Variants in STOX2 observed in about 807,000 individuals in gnomAD.
STOX2 encodes the protein storkhead-box protein 2.
A neutral mutation model predicts 60.9 loss-of-function variants in STOX2; 28 were observed. The ratio of observed to expected loss-of-function variants is 0.46; its 90% CI spans 0.34 to 0.63. The LOEUF (loss-of-function observed/expected upper bound fraction) is 0.63. Among genes scored for constraint, STOX2 ranks in the 30% least tolerant of loss-of-function variants. The probability of loss-of-function intolerance (pLI) is 0.01; values close to 1 mark genes in which losing one functional copy is unlikely to be tolerated. For missense variants in STOX2, 1,024 were observed against 1,187.7 expected (o/e 0.86, Z 2.03); for synonymous variants, 472 against 463.9 (o/e 1.02, Z -0.22).
At chr4:183,996,710 A>C (rs1054261706) in intron 1 of STOX2, among the ~76,000 whole-genome samples, 5 of 152,174 alleles carry the variant, frequency 3.3e-5, no homozygotes, top group African/African-American at 1.2e-4. Flanking sequence ...AACTTCACTT[A>C]ATATATAATT....
intron 1 of STOX2, chr4:183,987,964 T>G (rs768385700): frequency 8.5e-5 from 13 of 152,068 alleles, no homozygotes; most frequent in Non-Finnish European, 1.3e-4. Flanking sequence ...TTTTAATGTG[T>G]GTGTTCTCTC....
chr4:183,882,275 G>T (rs574062236), intron 1 of STOX2, among the ~76,000 whole-genome samples: 432 of 152,254 alleles, frequency 2.8e-3, no homozygotes, highest in Non-Finnish European at 5.0e-3. Flanking sequence ...TTCTGTGTGT[G>T]GAATTTTCTG....
At chr4:183,990,950 C>A (rs1733081898) in intron 1 of STOX2, among the ~76,000 whole-genome samples, 1 of 151,986 alleles carries the variant, frequency 6.6e-6, no homozygotes, top group Admixed American at 6.6e-5. Flanking sequence ...GAAGAAAGAG[C>A]CAGAATGGTT....
intron 3 of STOX2, 41 bp from the exon 4 acceptor site, chr4:184,017,048 T>C: frequency 2.7e-6 from 4 of 1,499,654 alleles, no homozygotes; most frequent in Non-Finnish European, 3.6e-6. Flanking sequence ...TAATTATTTA[T>C]GTTCCAAACA....
At position 184,009,322 on chromosome 4, in the gene STOX2, G is replaced by C. The variant is rs563435315; in HGVS notation, c.484G>C (p.Glu162Gln). ...TAACAGTAAATGGTACCATTTGGAC[G>C]AGAGGATACCTGACCGGTCTCAGTG... ...RTNSKWYHLD[E>Q]RIPDRSQCTS... Residue 162 changes from glutamate to glutamine, a missense_variant, in exon 3 of 4, where the codon GAG (glutamate) becomes CAG (glutamine). Coordinates refer to ENST00000308497, the MANE Select transcript of STOX2 (RefSeq NM_020225.3). The surrounding 1 kb of genome is among the most constrained non-coding windows in gnomAD (Gnocchi z 4.0). The C allele has an allele frequency of 6.2e-7, 1 of 1,613,850 alleles. No individual in the cohort carries two copies.
intron 1 of STOX2, among the ~76,000 whole-genome samples, chr4:183,999,499 C>T (rs1231117062): frequency 6.6e-6 from 1 of 152,098 alleles, no homozygotes; most frequent in East Asian, 1.9e-4. Flanking sequence ...ACTGGGACAA[C>T]GTCTTATCCT....
chr4:184,001,187 T>C lies in STOX2; in HGVS notation c.167-138T>C. 1.4e-6 allele frequency: 1 copy of C among 731,160 alleles called. No homozygotes were observed. Among genetic ancestry groups the C allele is most frequent in the Non-Finnish European group, 2.2e-6 (1 of 452,150 alleles). 45.3% of individuals were successfully genotyped at this position (731,160 alleles called of 1,614,324 possible). ...TTGGCTGTGGCTTCTGTGTTCAGAG[T>C]GGAATTGGCAAGCAGCTGCTATGTT... On this transcript the variant is annotated intron_variant, in intron 1 of 3. Coordinates refer to ENST00000308497, the MANE Select transcript of STOX2 (RefSeq NM_020225.3). The surrounding 1 kb of genome is among the most constrained non-coding windows in gnomAD (Gnocchi z 4.2).
chr4:183,957,806 GTAGAATGGTATT>G (rs1743293352), intron 1 of STOX2, among the ~76,000 whole-genome samples: 1 of 152,114 alleles, frequency 6.6e-6, no homozygotes. Context: ...AGGGCGGATG[GTAGAATGGTATT>G]TAGAACCCAA....
At chr4:183,879,930 C>A (rs748360732) in intron 1 of STOX2, among the ~76,000 whole-genome samples, 1 of 152,258 alleles carries the variant, frequency 6.6e-6, no homozygotes, top group Non-Finnish European at 1.5e-5. Flanking sequence ...GCCTAGTCCA[C>A]TTGGTGCTGC....
chr4:183,959,165 C>A (rs577062988), intron 1 of STOX2, among the ~76,000 whole-genome samples: 1 of 152,170 alleles, frequency 6.6e-6, no homozygotes, highest in Non-Finnish European at 1.5e-5. Context: ...TTTGATGTCT[C>A]CTATCTCTGC....
At position 183,906,596 on chromosome 4, in the gene STOX2, G is replaced by C; in HGVS notation, c.-195G>C. 1.8e-6 allele frequency: 1 copy of C among 571,166 alleles called. No individual in the cohort carries two copies. Among genetic ancestry groups the C allele is most frequent in the East Asian group, 3.0e-5 (1 of 32,890 alleles). The allele number at this position is 571,166 out of a possible 1,614,324, so 35.4% of individuals were successfully genotyped here. Reference sequence around the variant, plus strand: ...ATTGTGGGACGTGTGTAAAATCGGAGCCTTCGCCGTGGGGGTGTGGGGGGG... The same window carrying C: ...ATTGTGGGACGTGTGTAAAATCGGACCCTTCGCCGTGGGGGTGTGGGGGGG... On this transcript the variant is annotated 5_prime_UTR_variant, in exon 1 of 4. Coordinates refer to ENST00000308497, the MANE Select transcript of STOX2 (RefSeq NM_020225.3).
At position 183,998,351 on chromosome 4, in the gene STOX2, C is replaced by T. The variant is rs946884102; in HGVS notation, c.167-2974C>T. ...TAACTTAGCACCTCTGTAAGAAAGC[C>T]GGCCTCAGTGCCCCTGTCCTATCCA... On this transcript the variant is annotated intron_variant, in intron 1 of 3. Transcript: ENST00000308497. Among the ~76,000 whole-genome samples the T allele has an allele frequency of 4.6e-5, 7 of 152,232 alleles. No homozygotes were observed. In the South Asian group the frequency reaches 8.3e-4, roughly 18 times the overall value.
chr4:183,852,571 G>GAGAAAGGATGAGAGAAAGGATGAA, intron 1 of STOX2, among the ~76,000 whole-genome samples: 1 of 152,050 alleles, frequency 6.6e-6, no homozygotes, highest in East Asian at 1.9e-4. Flanking sequence ...GAAAGGATGA[G>GAGAAAGGATGAGAGAAAGGATGAA]GGAAAGGATG....
chr4:183,854,870 G>A (rs1364459444), intron 1 of STOX2, among the ~76,000 whole-genome samples: 4 of 152,054 alleles, frequency 2.6e-5, no homozygotes, highest in Admixed American at 1.3e-4. Context: ...TTTTTAACAT[G>A]CATATGAATT....
intron 1 of STOX2, among the ~76,000 whole-genome samples, chr4:183,919,320 T>C (rs1319835134): frequency 2.6e-5 from 4 of 152,220 alleles, no homozygotes; most frequent in African/African-American, 9.6e-5. Flanking sequence ...GATGCAGCCA[T>C]GTGCTTGCAA....
Position 183,836,046 on chromosome 4 carries a change from T to A in STOX2, c.364+37991T>A, listed in dbSNP as rs1431063112. Among the ~76,000 whole-genome samples the A allele has an allele frequency of 2.0e-5, 3 of 152,102 alleles. No homozygotes were observed. Among genetic ancestry groups the A allele is most frequent in the Non-Finnish European group, 4.4e-5 (3 of 68,024 alleles). On this transcript the variant is annotated intron_variant, in intron 1 of 2. Transcript: ENST00000513034. This position sits in a 1 kb window ranked among gnomAD's most constrained non-coding sequence, Gnocchi z 4.1. ...CACTTGTTACTGCCATTTTTTTTTTTATCTGAGCCATCCTAGTGGGTGGAA... is the reference window on the plus strand; with the variant it reads ...CACTTGTTACTGCCATTTTTTTTTTAATCTGAGCCATCCTAGTGGGTGGAA...
chr4:183,878,341 T>A (rs1037857903), intron 1 of STOX2, among the ~76,000 whole-genome samples: 1 of 152,258 alleles, frequency 6.6e-6, no homozygotes, highest in Non-Finnish European at 1.5e-5. Flanking sequence ...TTATTCATTA[T>A]GTTTTGTTTT....
At chr4:183,848,614 A>C (rs1740039514) in intron 1 of STOX2, among the ~76,000 whole-genome samples, 1 of 152,110 alleles carries the variant, frequency 6.6e-6, no homozygotes, top group Non-Finnish European at 1.5e-5. Context: ...GCAGTGGACA[A>C]TGGCTAGATA....
intron 1 of STOX2, among the ~76,000 whole-genome samples, chr4:183,834,175 C>T (rs1368668403): frequency 1.3e-5 from 2 of 152,086 alleles, no homozygotes; most frequent in East Asian, 3.9e-4. Flanking sequence ...AGCAGTAAAG[C>T]ATTCATTGAT....
Sources: gnomAD v4.1 joint callset for allele counts (sites outside exome capture counted in the v4.1 genomes callset) on GRCh38, gnomAD v4.1.1 for gene constraint, Gnocchi (gnomAD v3.1) non-coding constraint, MANE v1.5 for transcripts, NCBI Gene and HGNC (gene_info 2026-07-23, HGNC 2026-07-21) for gene names.